Variants in SYT7 observed in about 807,000 individuals in gnomAD.
The protein encoded by SYT7 is synaptotagmin-7.
SYT7 carries 29 observed loss-of-function variants against 75.1 expected under a neutral mutation model. That is an observed-to-expected ratio of 0.39 (90% CI 0.29 to 0.53). The LOEUF is 0.53. Among genes scored for constraint, SYT7 ranks in the 20% least tolerant of loss-of-function variants. The pLI is 0.77. For missense variants in SYT7, 693 were observed against 953.2 expected (o/e 0.73, Z 3.59); for synonymous variants, 376 against 401.7 (o/e 0.94, Z 0.76).
rs1240413244 is a variant in SYT7, at chr11:61,546,201, C to T, written c.402G>A (p.Glu134=). 2.0e-6 allele frequency: 3 copies of T among 1,509,214 alleles called. No individual in the cohort carries two copies. Among genetic ancestry groups the T allele is most frequent in the Non-Finnish European group, 2.6e-6 (3 of 1,136,248 alleles). The allele number at this position is 1,509,214 out of a possible 1,614,324, so 93.5% of individuals were successfully genotyped here. ...GCTTCTCCCCCAGCCGGCCTTCCCG[C>T]TCCACCGCCAGCCCCGCCGCGGCGG... ...KVAAAAGLAV[E]REGRLGEKPA... Residue 134 remains glutamate (E), a synonymous_variant, in exon 5 of 13, where the codon GAG becomes GAA. Transcript: ENST00000539008. The surrounding 1 kb of genome is among the most constrained non-coding windows in gnomAD (Gnocchi z 7.6).
chr11:61,565,249 T>C (rs1257133710), intron 1 of SYT7, among the ~76,000 whole-genome samples: 1 of 152,084 alleles, frequency 6.6e-6, no homozygotes, highest in African/African-American at 2.4e-5. Flanking sequence ...GCTGAGCAGA[T>C]GGAAATGGGG....
At chr11:61,522,437 G>A (rs1348360553) in intron 12 of SYT7, among the ~76,000 whole-genome samples, 2 of 152,062 alleles carry the variant, frequency 1.3e-5, no homozygotes, top group African/African-American at 2.4e-5. Context: ...TGATCCACCC[G>A]TCTTGGCCTC....
the SYT7 span, among the ~76,000 whole-genome samples, chr11:61,588,327 A>G: frequency 6.6e-6 from 1 of 152,138 alleles, no homozygotes; most frequent in East Asian, 1.9e-4. Context: ...CATAACACGC[A>G]TTATCCCGCT....
chr11:61,545,862 T>A (rs528525432), intron 5 of SYT7, among the ~76,000 whole-genome samples, 169 bp downstream of exon 5: 2 of 152,262 alleles, frequency 1.3e-5, no homozygotes, highest in East Asian at 3.9e-4. Flanking sequence ...GAGTTCGTCG[T>A]GCCAGATGGC....
At chr11:61,572,824 C>T (rs2063958910) in intron 1 of SYT7, among the ~76,000 whole-genome samples, 1 of 152,138 alleles carries the variant, frequency 6.6e-6, no homozygotes, top group African/African-American at 2.4e-5. Context: ...GACCCCCACT[C>T]AGGGGTAACA....
intron 7 of SYT7, among the ~76,000 whole-genome samples, chr11:61,536,866 T>C (rs775508855): frequency 2.6e-5 from 4 of 152,154 alleles, no homozygotes; most frequent in Non-Finnish European, 5.9e-5. Context: ...TAGGGGCCTC[T>C]CAAGAGCCTC....
At chr11:61,518,767 G>C in intron 12 of SYT7, 36 bp from the exon 13 acceptor site, 1 of 1,449,530 alleles carries the variant, frequency 6.9e-7, no homozygotes. Context: ...ATCGGCACAG[G>C]CTCCAGGGCA....
chr11:61,574,652 T>C lies in SYT7; in HGVS notation c.31+6138A>G, dbSNP rs2135444267. On this transcript the variant is annotated intron_variant, in intron 1 of 12. Transcript: ENST00000539008. Reference sequence around the variant, plus strand: ...ATGGGGGTCAGGGATGGTAAGGAGGTGTGCAGGGAGTCCCAGTATCTGGAC... The same window carrying C: ...ATGGGGGTCAGGGATGGTAAGGAGGCGTGCAGGGAGTCCCAGTATCTGGAC... Among the ~76,000 whole-genome samples, 4 of 151,122 alleles carry C rather than the reference T, an allele frequency of 2.6e-5. No homozygotes were observed. In the South Asian group the frequency reaches 8.4e-4, roughly 32 times the overall value.
At chr11:61,578,120 G>C (rs1443943213) in intron 1 of SYT7, among the ~76,000 whole-genome samples, 1 of 152,190 alleles carries the variant, frequency 6.6e-6, no homozygotes. Flanking sequence ...TGCATGGGAG[G>C]GGGCTGGTCT....
In SYT7 at chr11:61,576,998, C is replaced by T. The variant is rs1049763085; in HGVS notation, c.31+3792G>A. On this transcript the variant is annotated intron_variant, in intron 1 of 12. Coordinates refer to ENST00000539008, the MANE Select transcript of SYT7 (RefSeq NM_001365809.2). The surrounding 1 kb of genome is among the most constrained non-coding windows in gnomAD (Gnocchi z 4.1). ...CCTGTCACCTACTGGCCTGTACGTT[C>T]CCACCTCAATCCGGCCTGCTCTAAC... 6.6e-6 allele frequency among the ~76,000 whole-genome samples: 1 copy of T among 152,130 alleles called. No homozygotes were observed. The highest frequency in any genetic ancestry group is 1.5e-5 in the Non-Finnish European group (1 of 68,018).
In SYT7 at chr11:61,523,775, T is replaced by C; in HGVS notation, c.1756+52A>G. The C allele has an allele frequency of 6.4e-7, 1 of 1,556,260 alleles. No homozygotes were observed. The highest frequency in any genetic ancestry group is 1.1e-5 in the South Asian group (1 of 89,112). On this transcript the variant is annotated intron_variant, in intron 11 of 12. Coordinates refer to ENST00000539008, the MANE Select transcript of SYT7 (RefSeq NM_001365809.2). This position sits in a 1 kb window ranked among gnomAD's most constrained non-coding sequence, Gnocchi z 5.0. ...CTCTCCACATCCGGTGTAAACCTTG[T>C]GTCACCAGCACCTCCCCGGCCCGCC... is the stretch of plus-strand genomic sequence containing the variant.
intron 1 of SYT7, among the ~76,000 whole-genome samples, chr11:61,569,369 C>T (rs1027741532): frequency 3.3e-5 from 5 of 151,902 alleles, no homozygotes; most frequent in African/African-American, 1.2e-4. Context: ...GCAAAGAGCT[C>T]CACAGAACTG....
chr11:61,561,834 G>A (rs1347948296), intron 1 of SYT7, among the ~76,000 whole-genome samples: 3 of 152,146 alleles, frequency 2.0e-5, no homozygotes, highest in Non-Finnish European at 4.4e-5. Flanking sequence ...TCTATGACGA[G>A]CTCGGCGTCT....
chr11:61,568,935 C>T (rs1336000641), intron 1 of SYT7, among the ~76,000 whole-genome samples: 1 of 152,220 alleles, frequency 6.6e-6, no homozygotes, highest in South Asian at 2.1e-4. Context: ...CCCCAAGTCA[C>T]ACAGTGAGCT....
intron 2 of SYT7, among the ~76,000 whole-genome samples, chr11:61,552,024 T>G (rs1044832049): frequency 1.3e-5 from 2 of 151,960 alleles, no homozygotes; most frequent in African/African-American, 4.8e-5. Flanking sequence ...AAGGCTGTTT[T>G]AGGAAGGCAG....
chr11:61,518,621 C>A lies in SYT7; in HGVS notation c.*6G>T. ...CCTCGGCCCCCTGGGCCTCCCTTGG[C>A]CCCACTCAGGCCTTCAGCTGGTGCC... On this transcript the variant is annotated 3_prime_UTR_variant, in exon 13 of 13. Transcript: ENST00000539008. The A allele has an allele frequency of 6.5e-7, 1 of 1,540,136 alleles. No individual in the cohort carries two copies. The highest frequency in any genetic ancestry group is 8.8e-7 in the Non-Finnish European group (1 of 1,141,074).
chr11:61,513,881 TG>T lies in SYT7; in HGVS notation c.*4745del, dbSNP rs2062101727. Among the ~76,000 whole-genome samples the T allele has an allele frequency of 6.6e-6, 1 of 152,188 alleles. No homozygotes were observed. The highest frequency in any genetic ancestry group is 2.4e-5 in the African/African-American group (1 of 41,446). ...GCGTCTTCACGGGAAACAGATGGTC[TG>T]GGGAGCCACGAGCTGGGGCATCGGC... On this transcript the variant is annotated 3_prime_UTR_variant, in exon 13 of 13. Coordinates refer to ENST00000539008, the MANE Select transcript of SYT7 (RefSeq NM_001365809.2).
chr11:61,539,195 C>T (rs936783695), intron 6 of SYT7, among the ~76,000 whole-genome samples: 7 of 152,108 alleles, frequency 4.6e-5, no homozygotes, highest in East Asian at 1.9e-4. Context: ...AGTGAGAGAT[C>T]GTGCTTTGAG....
upstream of SYT7, among the ~76,000 whole-genome samples, chr11:61,582,063 C>T (rs1219233149): frequency 6.6e-6 from 1 of 151,844 alleles, no homozygotes; most frequent in Non-Finnish European, 1.5e-5. Flanking sequence ...CCTGCACACA[C>T]CTACACACGT....
Sources: gnomAD v4.1 joint callset for allele counts (sites outside exome capture counted in the v4.1 genomes callset) on GRCh38, gnomAD v4.1.1 for gene constraint, Gnocchi (gnomAD v3.1) non-coding constraint, MANE v1.5 for transcripts, NCBI Gene and HGNC (gene_info 2026-07-23, HGNC 2026-07-21) for gene names.